The following MYPN variants were observed in gnomAD, a reference collection of about 807,000 sequenced individuals.
The protein encoded by MYPN is myopalladin, also known as sarcomeric protein myopalladin, 145 kDa (MYOP).
Under a neutral mutation model 129.4 loss-of-function variants are expected in MYPN, and 63 were observed. The observed-to-expected ratio is 0.49, with a 90% confidence interval of 0.40 to 0.60. The LOEUF (loss-of-function observed/expected upper bound fraction) is 0.60, where lower values mean the gene tolerates loss of function less well. Among genes scored for constraint, MYPN ranks in the 20% least tolerant of loss-of-function variants. MYPN has a pLI of 0.00. For missense variants in MYPN, 1,596 were observed against 1,635.4 expected, an observed-to-expected ratio of 0.98 and a Z score of 0.42; for synonymous variants, 629 against 600.9, an observed-to-expected ratio of 1.05 and a Z score of -0.68.
At chr10:68,092,174 A>G (rs965868971) in intron 1 of MYPN, among the ~76,000 whole-genome samples, 1 of 152,188 alleles carries the variant, frequency 6.6e-6, no homozygotes, top group African/African-American at 2.4e-5. Context: ...AAAATTTTAC[A>G]TATCATCTTT....
intron 8 of MYPN, among the ~76,000 whole-genome samples, chr10:68,164,429 T>C (rs934870339): frequency 5.3e-5 from 8 of 152,180 alleles, no homozygotes; most frequent in South Asian, 2.1e-4. Context: ...CACTGAAGCA[T>C]TGGGGATTGT....
At chr10:68,171,859 C>T (rs1160577510) in intron 10 of MYPN, among the ~76,000 whole-genome samples, 2 of 152,202 alleles carry the variant, frequency 1.3e-5, no homozygotes, top group Admixed American at 6.5e-5. Flanking sequence ...TTGAGATGTG[C>T]ACTACCTGTT....
At position 68,165,553 on chromosome 10, in the gene MYPN, C is replaced by G. The variant is rs1430387744; in HGVS notation, c.1484-149C>G. ...TTGCCTACTAATCAGTCAATTCAAT[C>G]AAACAATTGTTTTGACCAATTGTTT... is the stretch of plus-strand genomic sequence containing the variant. On this transcript the variant is annotated intron_variant, in intron 8 of 19. Coordinates refer to ENST00000358913, the MANE Select transcript of MYPN (RefSeq NM_032578.4). 3 of 723,808 alleles carry G rather than the reference C, an allele frequency of 4.1e-6. No individual in the cohort carries two copies. The African/African-American group carries it at 5.2e-5, about 13-fold the overall frequency. 44.8% of individuals were successfully genotyped at this position (723,808 alleles called of 1,614,324 possible). A position where few individuals can be genotyped will look rare whatever the true frequency, so the allele number is the denominator to read the frequency against.
intron 2 of MYPN, among the ~76,000 whole-genome samples, chr10:68,141,350 A>G (rs2042575917): frequency 6.6e-6 from 1 of 151,528 alleles, no homozygotes; most frequent in South Asian, 2.1e-4. Flanking sequence ...ATCTGGTGAC[A>G]GAGCAAGACT....
chr10:68,200,495 C>T (rs1234229909), intron 17 of MYPN, among the ~76,000 whole-genome samples: 1 of 152,068 alleles, frequency 6.6e-6, no homozygotes, highest in Admixed American at 6.6e-5. Flanking sequence ...CGGTGGCTCA[C>T]ACCTGTAATC....
chr10:68,175,206 C>T, intron 11 of MYPN, 117 bp from the exon 12 acceptor site: 1 of 1,098,650 alleles, frequency 9.1e-7, no homozygotes, highest in Non-Finnish European at 1.4e-6. Context: ...GGCTTAATTC[C>T]CTAAGTGCCT....
At chr10:68,090,388 C>T (rs1017021056) in intron 1 of MYPN, among the ~76,000 whole-genome samples, 1 of 152,126 alleles carries the variant, frequency 6.6e-6, no homozygotes, top group Non-Finnish European at 1.5e-5. Context: ...TGGTTTCGAA[C>T]TCCTGACCTC....
chr10:68,157,427 C>A (rs889244938), intron 6 of MYPN, among the ~76,000 whole-genome samples: 8 of 152,086 alleles, frequency 5.3e-5, no homozygotes, highest in African/African-American at 1.9e-4. Context: ...CAGCCACATT[C>A]TTTTGTGGAC....
In MYPN at chr10:68,201,537, C is replaced by A. The variant is rs191237739; in HGVS notation, c.3494-292C>A. Among the ~76,000 whole-genome samples the A allele has an allele frequency of 2.0e-3, 302 of 152,186 alleles. 1 individual carries two copies. Among genetic ancestry groups the A allele is most frequent in the African/African-American group, 6.9e-3 (286 of 41,540 alleles). On this transcript the variant is annotated intron_variant, in intron 17 of 19. Coordinates refer to ENST00000358913, the MANE Select transcript of MYPN (RefSeq NM_032578.4). ...ACCCCAGCACTTTGGGAGGCCAAGG[C>A]GGGTGGGTCACCTGAGGCCAGGAGT...
intron 8 of MYPN, among the ~76,000 whole-genome samples, chr10:68,164,423 G>A (rs535916878): frequency 6.6e-6 from 1 of 152,324 alleles, no homozygotes; most frequent in Non-Finnish European, 1.5e-5. Context: ...TCCCAGCACT[G>A]AAGCATTGGG....
intron 17 of MYPN, among the ~76,000 whole-genome samples, chr10:68,200,540 C>T (rs2043692168): frequency 6.6e-6 from 1 of 151,952 alleles, no homozygotes; most frequent in Non-Finnish European, 1.5e-5. Context: ...GGTGGATCAC[C>T]TGAGGTTAGG....
rs574270583 is a variant in MYPN at position 68,182,425 on chromosome 10, T to C, written c.2704-6480T>C. Among the ~76,000 whole-genome samples the C allele has an allele frequency of 1.4e-4, 14 of 100,844 alleles. No individual in the cohort carries two copies. In the East Asian group the frequency reaches 3.6e-3, roughly 26 times the overall value. The allele number at this position is 100,844 out of a possible 152,430, so 66.2% of individuals were successfully genotyped here. Reference sequence around the variant, plus strand: ...ATAACACATATATATAACATATATATAACACATATATATAACATATATATA... The same window carrying C: ...ATAACACATATATATAACATATATACAACACATATATATAACATATATATA... On this transcript the variant is annotated intron_variant, in intron 12 of 19. Transcript: ENST00000358913.
intron 1 of MYPN, among the ~76,000 whole-genome samples, chr10:68,115,562 T>C (rs1302057601): frequency 6.6e-6 from 1 of 152,236 alleles, no homozygotes; most frequent in East Asian, 1.9e-4. Flanking sequence ...CATCATCCCT[T>C]GTGTAGCATG....
At chr10:68,120,499 A>G (rs1042058114) in intron 1 of MYPN, among the ~76,000 whole-genome samples, 2 of 152,182 alleles carry the variant, frequency 1.3e-5, no homozygotes, top group African/African-American at 2.4e-5. Flanking sequence ...GCTCTAACTC[A>G]TATCTTTGTA....
At position 68,122,049 on chromosome 10, in the gene MYPN, A is replaced by G. The variant is rs373095593; in HGVS notation, c.611A>G (p.Glu204Gly). 8.1e-6 allele frequency: 13 copies of G among 1,614,122 alleles called. No individual in the cohort carries two copies. Among genetic ancestry groups the G allele is most frequent in the Middle Eastern group, 1.6e-4 (1 of 6,084 alleles). ...AGCTCCAGTTTCTCAGATCTGTCAG[A>G]AAGACGAGAAAGATCTTCTGTTCCC... Reference protein sequence around the residue: ...ENSSSFSDLSERRERSSVPIP... With the variant: ...ENSSSFSDLSGRRERSSVPIP... Residue 204 changes from glutamate (E) to glycine (G), a missense_variant, in exon 2 of 20, where the codon GAA becomes GGA. Coordinates refer to ENST00000358913, the MANE Select transcript of MYPN (RefSeq NM_032578.4).
intron 2 of MYPN, among the ~76,000 whole-genome samples, chr10:68,128,764 G>C (rs1320334272): frequency 6.6e-6 from 1 of 152,156 alleles, no homozygotes; most frequent in African/African-American, 2.4e-5. Context: ...CAATATTAAG[G>C]CTGAGACATA....
chr10:68,188,708 G>A (rs187155858), intron 12 of MYPN, among the ~76,000 whole-genome samples, 197 bp from the exon 13 acceptor site: 2 of 152,334 alleles, frequency 1.3e-5, no homozygotes, highest in East Asian at 1.9e-4. Flanking sequence ...CTAAGGCCGT[G>A]TGGGATTTTA....
intron 2 of MYPN, among the ~76,000 whole-genome samples, chr10:68,130,510 A>T (rs1413758548): frequency 6.6e-6 from 1 of 150,692 alleles, no homozygotes; most frequent in Non-Finnish European, 1.5e-5. Context: ...ACTACTGGAT[A>T]CTAGTCATAT....
chr10:68,199,563 C>T lies in MYPN; in HGVS notation c.3481C>T (p.Leu1161Phe). 5 of 1,607,318 alleles carry T rather than the reference C, an allele frequency of 3.1e-6. No individual in the cohort carries two copies. The highest frequency in any genetic ancestry group is 4.2e-6 in the Non-Finnish European group (5 of 1,177,208). Residue 1161 changes from leucine (L) to phenylalanine (F), a missense_variant, in exon 17 of 20, where the codon CTC becomes TTC. Coordinates refer to ENST00000358913, the MANE Select transcript of MYPN (RefSeq NM_032578.4). ...KTGQNSFSLE[L>F]SVVAKEVKKA... ...CGGGCAGAATTCTTTTAGTCTGGAG[C>T]TCTCTGTAGTAGGTAAGGTTTGCTG...
Sources: gnomAD v4.1 joint callset for allele counts (sites outside exome capture counted in the v4.1 genomes callset) on GRCh38, gnomAD v4.1.1 for gene constraint, MANE v1.5 for transcripts, NCBI Gene and HGNC (gene_info 2026-07-23, HGNC 2026-07-21) for gene names.